Variants in APBA1 observed in about 807,000 individuals in gnomAD.
APBA1 encodes amyloid-beta A4 precursor protein-binding family A member 1.
Under a neutral mutation model 86.6 loss-of-function variants are expected in APBA1, and 55 were observed. The ratio of observed to expected loss-of-function variants is 0.64; its 90% CI spans 0.51 to 0.80. APBA1 has a LOEUF of 0.80. Ranked by LOEUF, APBA1 falls within the 30% of genes least tolerant of loss-of-function variation. The pLI, the probability that APBA1 is intolerant of heterozygous loss-of-function variation, is 0.00. For missense variants in APBA1, 1,090 were observed against 1,183.0 expected (o/e 0.92, Z 1.15); for synonymous variants, 511 against 493.9 (o/e 1.03, Z -0.46).
chr9:69,573,454 C>T (rs1237300293), intron 1 of APBA1, among the ~76,000 whole-genome samples: 1 of 152,066 alleles, frequency 6.6e-6, no homozygotes, highest in Non-Finnish European at 1.5e-5. Flanking sequence ...AGAATATGAT[C>T]CTGTCTCAAA....
intron 5 of APBA1, chr9:69,460,808 C>G (rs1835179854): frequency 6.6e-6 from 1 of 152,138 alleles, no homozygotes; most frequent in Non-Finnish European, 1.5e-5. Flanking sequence ...CAGCTTACTG[C>G]AACCTCCGCC....
chr9:69,450,004 A>C (rs1002985203), intron 9 of APBA1, among the ~76,000 whole-genome samples: 3 of 146,492 alleles, frequency 2.0e-5, no homozygotes, highest in Non-Finnish European at 4.4e-5. Flanking sequence ...TTTGTAATTC[A>C]CTCGTTTCAC....
rs73447315 is a variant in APBA1, at chr9:69,504,254, A to T, written c.1200+11757T>A. Among the ~76,000 whole-genome samples the T allele has an allele frequency of 7.9e-3, 1,206 of 151,960 alleles. 22 individuals carry two copies. Among genetic ancestry groups the T allele is most frequent in the African/African-American group, 0.028 (1,142 of 41,424 alleles). ...GTAGACTCTTTTAATCTGGAAGTTC[A>T]TGTGTTCTTTGGCTCCAGGACATGG... On this transcript the variant is annotated intron_variant, in intron 2 of 12. Transcript: ENST00000265381.
At chr9:69,586,541 C>T (rs1452488068) in intron 1 of APBA1, among the ~76,000 whole-genome samples, 1 of 152,072 alleles carries the variant, frequency 6.6e-6, no homozygotes, top group Non-Finnish European at 1.5e-5. Context: ...TAAAGCCAAC[C>T]TCTTTGTGGA....
At position 69,430,942 on chromosome 9, in the gene APBA1, G is replaced by C. The variant is rs1191985544; in HGVS notation, c.*385C>G. The C allele has an allele frequency of 2.3e-5, 4 of 176,780 alleles. No homozygotes were observed. The highest frequency in any genetic ancestry group is 1.4e-4 in the East Asian group (1 of 7,122). The allele number at this position is 176,780 out of a possible 1,614,324, so 11.0% of individuals were successfully genotyped here. A position where few individuals can be genotyped will look rare whatever the true frequency, so the allele number is the denominator to read the frequency against. On this transcript the variant is annotated 3_prime_UTR_variant, in exon 13 of 13. Coordinates refer to ENST00000265381, the MANE Select transcript of APBA1 (RefSeq NM_001163.4). Reference sequence around the variant, plus strand: ...CAGCAACTGGGTTTTAGGCACTGCTGAATCAGCTGCTTTGCTGCCCCGCGA... The same window carrying C: ...CAGCAACTGGGTTTTAGGCACTGCTCAATCAGCTGCTTTGCTGCCCCGCGA...
chr9:69,628,889 A>G (rs1243642759), intron 1 of APBA1, among the ~76,000 whole-genome samples: 1 of 152,220 alleles, frequency 6.6e-6, no homozygotes, highest in African/African-American at 2.4e-5. Flanking sequence ...AAAGTGAGTT[A>G]AAAAGAAAGA....
chr9:69,504,460 T>A (rs896284544), intron 2 of APBA1, among the ~76,000 whole-genome samples: 1 of 152,122 alleles, frequency 6.6e-6, no homozygotes, highest in Non-Finnish European at 1.5e-5. Context: ...TGTCTGATGA[T>A]CCTTGGCTGT....
intron 1 of APBA1, among the ~76,000 whole-genome samples, chr9:69,542,195 G>T (rs770557141): frequency 1.4e-4 from 22 of 152,072 alleles, no homozygotes; most frequent in Non-Finnish European, 2.2e-4. Flanking sequence ...GCATACACTT[G>T]CCTCCCCCAC....
At chr9:69,500,390 C>G (rs911241097) in intron 2 of APBA1, among the ~76,000 whole-genome samples, 1 of 152,140 alleles carries the variant, frequency 6.6e-6, no homozygotes, top group African/African-American at 2.4e-5. Flanking sequence ...TCTCTCACAG[C>G]TTCCCTGGGA....
intron 1 of APBA1, among the ~76,000 whole-genome samples, chr9:69,637,780 A>T (rs764146226): frequency 9.2e-5 from 14 of 152,256 alleles, no homozygotes; most frequent in Non-Finnish European, 1.0e-4. Context: ...CATACTTTTT[A>T]AAATGACAAT....
chr9:69,611,932 C>T (rs1371001541), intron 1 of APBA1, among the ~76,000 whole-genome samples: 1 of 152,090 alleles, frequency 6.6e-6, no homozygotes, highest in Non-Finnish European at 1.5e-5. Flanking sequence ...AACAAATAAG[C>T]TAGTTTTAAA....
chr9:69,510,594 A>G (rs2133881860), intron 2 of APBA1, among the ~76,000 whole-genome samples: 1 of 140,432 alleles, frequency 7.1e-6, no homozygotes, highest in Admixed American at 7.3e-5. Flanking sequence ...ATGGAACCAA[A>G]AAAGAGCCCG....
At chr9:69,608,751 T>C (rs1822525000) in intron 1 of APBA1, among the ~76,000 whole-genome samples, 2 of 152,200 alleles carry the variant, frequency 1.3e-5, no homozygotes, top group Non-Finnish European at 2.9e-5. Flanking sequence ...GCACCCATAC[T>C]GAGAAGTTGG....
Position 69,430,857 on chromosome 9 carries a change from T to G in APBA1, c.*470A>C, listed in dbSNP as rs1263477007. ...CATGGCAGGCAGTGCATAACCTTAA[T>G]GACGTGGGCTGGCCCTGGGTACTAC... On this transcript the variant is annotated 3_prime_UTR_variant, in exon 13 of 13. Transcript: ENST00000265381. 6.4e-6 allele frequency: 1 copy of G among 155,176 alleles called. No individual in the cohort carries two copies. Among genetic ancestry groups the G allele is most frequent in the Non-Finnish European group, 1.4e-5 (1 of 69,830 alleles). The allele number at this position is 155,176 out of a possible 1,614,324, so 9.6% of individuals were successfully genotyped here.
chr9:69,595,676 T>C (rs1388658441), intron 1 of APBA1, among the ~76,000 whole-genome samples: 2 of 152,160 alleles, frequency 1.3e-5, no homozygotes, highest in African/African-American at 4.8e-5. Context: ...TCTAGCTATA[T>C]CCACAGTGAG....
intron 2 of APBA1, among the ~76,000 whole-genome samples, chr9:69,502,279 G>C (rs1835890814): frequency 6.6e-6 from 1 of 152,160 alleles, no homozygotes. Context: ...GTCAGTGGGG[G>C]AGACACCTGC....
chr9:69,504,222 G>C (rs1835919365), intron 2 of APBA1, among the ~76,000 whole-genome samples: 1 of 151,810 alleles, frequency 6.6e-6, no homozygotes, highest in African/African-American at 2.4e-5. Flanking sequence ...TTCTAGATAG[G>C]TACCCAGTAG....
intron 4 of APBA1, among the ~76,000 whole-genome samples, chr9:69,470,734 C>T (rs1835353929): frequency 6.6e-6 from 1 of 152,146 alleles, no homozygotes; most frequent in Non-Finnish European, 1.5e-5. Flanking sequence ...CTCTGGCCTC[C>T]AGAAAAGCCT....
At chr9:69,572,960 T>C (rs566002634) in intron 1 of APBA1, among the ~76,000 whole-genome samples, 1 of 152,184 alleles carries the variant, frequency 6.6e-6, no homozygotes, top group Admixed American at 6.5e-5. Context: ...TGGGGAGAGG[T>C]ATTTATAGAG....
Sources: allele counts gnomAD v4.1 joint callset (sites outside exome capture counted in the v4.1 genomes callset), GRCh38; gene constraint gnomAD v4.1.1; transcripts MANE v1.5; gene names NCBI Gene and HGNC (gene_info 2026-07-23, HGNC 2026-07-21).